NTM: variants seen among roughly 807,000 people sequenced by gnomAD.
The protein encoded by NTM is neurotrimin.
NTM carries 13 observed loss-of-function variants against 42.1 expected under a neutral mutation model. The observed-to-expected ratio is 0.31, with a 90% CI of 0.20 to 0.49. NTM has a LOEUF of 0.49. Among genes scored for constraint, NTM ranks in the 20% least tolerant of loss-of-function variants. NTM has a pLI of 0.99. For missense variants in NTM, 373 were observed against 452.8 expected (o/e 0.82, Z 1.60); for synonymous variants, 187 against 179.2 (o/e 1.04, Z -0.35).
chr11:132,098,332 G>T (rs914947274), intron 2 of NTM, among the ~76,000 whole-genome samples: 2 of 152,194 alleles, frequency 1.3e-5, no homozygotes, highest in Admixed American at 6.5e-5. Flanking sequence ...TGCAAAAAAG[G>T]TAGTCCAATA....
At chr11:131,968,304 G>T (rs2063095005) in intron 2 of NTM, among the ~76,000 whole-genome samples, 1 of 152,154 alleles carries the variant, frequency 6.6e-6, no homozygotes, top group African/African-American at 2.4e-5. Flanking sequence ...CACGGTGTTT[G>T]CTCTCTGGAG....
At chr11:132,053,767 T>C (rs1291922732) in intron 2 of NTM, among the ~76,000 whole-genome samples, 1 of 152,248 alleles carries the variant, frequency 6.6e-6, no homozygotes, top group Non-Finnish European at 1.5e-5. Context: ...TCCAGGTGTT[T>C]TCTAAAGCAG....
At chr11:132,235,490 G>A (rs2088625674) in intron 4 of NTM, among the ~76,000 whole-genome samples, 1 of 152,170 alleles carries the variant, frequency 6.6e-6, no homozygotes, top group Admixed American at 6.5e-5. Context: ...AGTACTTTTG[G>A]TAGCACTGAA....
chr11:131,696,260 G>A (rs115821494), intron 1 of NTM, among the ~76,000 whole-genome samples: 3,496 of 152,226 alleles, frequency 0.023, 136 homozygotes, highest in African/African-American at 0.078. Context: ...GGACGCACCC[G>A]GGGAGGCCAG....
intron 4 of NTM, among the ~76,000 whole-genome samples, chr11:132,263,597 C>T (rs77893104): frequency 0.021 from 3,269 of 152,158 alleles, 55 homozygotes; most frequent in Non-Finnish European, 0.032. Flanking sequence ...CGTTCTGGTT[C>T]CTTTTTTTTT....
intron 1 of NTM, among the ~76,000 whole-genome samples, chr11:131,576,979 AT>A (rs2057997237): frequency 6.6e-6 from 1 of 152,234 alleles, no homozygotes; most frequent in African/African-American, 2.4e-5. Flanking sequence ...ACTCAAAAAT[AT>A]TACCTCTCAA....
intron 1 of NTM, among the ~76,000 whole-genome samples, chr11:131,396,062 G>T (rs1944519174): frequency 6.6e-6 from 1 of 152,186 alleles, no homozygotes; most frequent in Admixed American, 6.5e-5. Context: ...GTCTAGAACT[G>T]TTCATGCAAT....
intron 7 of NTM, among the ~76,000 whole-genome samples, chr11:132,329,380 G>T (rs185909780): frequency 6.6e-6 from 1 of 152,338 alleles, no homozygotes. Context: ...TCTGAGAGTT[G>T]AAGCTGGTGA....
chr11:131,882,935 G>A (rs760057176), intron 1 of NTM, among the ~76,000 whole-genome samples: 10 of 152,108 alleles, frequency 6.6e-5, no homozygotes, highest in Non-Finnish European at 1.2e-4. Flanking sequence ...GGAAAATAAC[G>A]AATGAATGGG....
At chr11:131,840,285 T>C (rs4937663) in intron 1 of NTM, among the ~76,000 whole-genome samples, 1 of 152,018 alleles carries the variant, frequency 6.6e-6, no homozygotes. Context: ...ATATTAAGGA[T>C]TAGGTGAGCA....
chr11:132,269,670 G>C (rs1456728870), intron 4 of NTM, among the ~76,000 whole-genome samples: 3 of 152,206 alleles, frequency 2.0e-5, no homozygotes, highest in African/African-American at 7.2e-5. Flanking sequence ...TTCTCTTCAT[G>C]ACATGATACT....
chr11:131,699,117 G>A (rs764176085), intron 1 of NTM, among the ~76,000 whole-genome samples: 15 of 152,262 alleles, frequency 9.9e-5, no homozygotes, highest in Middle Eastern at 3.4e-3. Context: ...CCTTAACAAC[G>A]TTAACTAAAG....
chr11:131,442,904 G>C (rs1230072085), intron 1 of NTM, among the ~76,000 whole-genome samples: 1 of 152,042 alleles, frequency 6.6e-6, no homozygotes, highest in Non-Finnish European at 1.5e-5. Context: ...GGTTGATTCT[G>C]TGCCTTTACT....
chr11:131,821,034 T>C (rs1391229653), intron 1 of NTM, among the ~76,000 whole-genome samples: 1 of 151,890 alleles, frequency 6.6e-6, no homozygotes, highest in Non-Finnish European at 1.5e-5. Context: ...GGTTTTTTTT[T>C]TTTTCTAATT....
chr11:131,388,730 G>T lies in NTM; in HGVS notation c.82+17842G>T, dbSNP rs1022331588. 2.6e-5 allele frequency among the ~76,000 whole-genome samples: 4 copies of T among 152,136 alleles called. No individual in the cohort carries two copies. The South Asian group carries it at 8.3e-4, about 32-fold the overall frequency. ...GAATATAGGGAGAAAGATGGTGGTT[G>T]GCCTGGAGTGGTGGCTCCTGCCTGT... On this transcript the variant is annotated intron_variant, in intron 1 of 8. Transcript: ENST00000683400.
At chr11:132,012,013 T>G (rs2072317404) in intron 2 of NTM, among the ~76,000 whole-genome samples, 1 of 152,218 alleles carries the variant, frequency 6.6e-6, no homozygotes, top group Admixed American at 6.5e-5. Context: ...TATAATATAG[T>G]CATGTGTACC....
intron 1 of NTM, among the ~76,000 whole-genome samples, chr11:131,549,048 G>T (rs559525404): frequency 2.4e-4 from 36 of 152,246 alleles, no homozygotes; most frequent in African/African-American, 8.4e-4. Flanking sequence ...ATGAATGAAC[G>T]AACTACAGAC....
At chr11:132,302,559 T>C (rs1378411502) in intron 4 of NTM, among the ~76,000 whole-genome samples, 3 of 152,174 alleles carry the variant, frequency 2.0e-5, no homozygotes, top group African/African-American at 7.2e-5. Flanking sequence ...CAACGTGTTG[T>C]TCTGGGTCTG....
chr11:132,196,591 C>T (rs752095310), intron 3 of NTM, among the ~76,000 whole-genome samples: 5 of 152,096 alleles, frequency 3.3e-5, no homozygotes, highest in African/African-American at 4.8e-5. Context: ...ACATATACAC[C>T]ATGGAATACT....
Sources: allele counts gnomAD v4.1 joint callset (sites outside exome capture counted in the v4.1 genomes callset), GRCh38; gene constraint gnomAD v4.1.1; transcripts MANE v1.5; gene names NCBI Gene and HGNC (gene_info 2026-07-23, HGNC 2026-07-21).